The following TGFBI variants were observed in gnomAD, a reference collection of about 807,000 sequenced individuals.
TGFBI encodes the protein transforming growth factor beta induced, also known as transforming growth factor-beta-induced protein ig-h3.
A neutral mutation model predicts 73.7 loss-of-function variants in TGFBI; 50 were observed. The observed-to-expected ratio is 0.68, with a 90% confidence interval of 0.54 to 0.86. TGFBI has a LOEUF of 0.86. Ranked by LOEUF, TGFBI falls within the 40% of genes least tolerant of loss-of-function variation. The pLI is 0.00. For synonymous variants in TGFBI, 362 were observed against 360.5 expected, an observed-to-expected ratio of 1.00 and a Z score of -0.05; for missense variants, 839 against 877.0, an observed-to-expected ratio of 0.96 and a Z score of 0.55.
At position 136,055,828 on chromosome 5, in the gene TGFBI, C is replaced by G; in HGVS notation, c.1547+12C>G. 1 of 1,593,424 alleles carries G rather than the reference C, an allele frequency of 6.3e-7. No homozygotes were observed. Among genetic ancestry groups the G allele is most frequent in the South Asian group, 1.1e-5 (1 of 88,530 alleles). On this transcript the variant is annotated intron_variant, in intron 11 of 16. Transcript: ENST00000442011. Reference sequence around the variant, plus strand: ...GACAATCGCTTTAGGTAATTAGTTCCATCCCCGGGTGGAGCTTCTGCCCAG... The same window carrying G: ...GACAATCGCTTTAGGTAATTAGTTCGATCCCCGGGTGGAGCTTCTGCCCAG...
intron 12 of TGFBI, among the ~76,000 whole-genome samples, chr5:136,058,497 C>T (rs544712329): frequency 6.8e-4 from 103 of 152,282 alleles, no homozygotes; most frequent in African/African-American, 2.3e-3. Flanking sequence ...TGAGACGTGA[C>T]GAGGAGAGAT....
chr5:136,052,944 T>G lies in TGFBI; in HGVS notation c.951T>G (p.Cys317Trp), dbSNP rs748420018. 1 of 1,614,034 alleles carries G rather than the reference T, an allele frequency of 6.2e-7. No homozygotes were observed. Among genetic ancestry groups the G allele is most frequent in the Admixed American group, 1.7e-5 (1 of 60,034 alleles). Residue 317 changes from cysteine to tryptophan, a missense_variant, in exon 8 of 17, where the codon TGT (cysteine) becomes TGG (tryptophan). Physicochemically the swap from Cys to Trp is radical, Grantham distance 215. Transcript: ENST00000442011. ...ACCACATCTTGAAGTCAGCTATGTGTGCTGAAGCCATCGTTGCGGGGCTGT... is the reference window on the plus strand; with the variant it reads ...ACCACATCTTGAAGTCAGCTATGTGGGCTGAAGCCATCGTTGCGGGGCTGT... ...LNNHILKSAM[C>W]AEAIVAGLSV... is the part of the protein sequence containing the mutation.
chr5:136,062,614 G>C, intron 15 of TGFBI, 49 bp from the exon 16 acceptor site: 1 of 1,547,496 alleles, frequency 6.5e-7, no homozygotes, highest in South Asian at 1.2e-5. Context: ...ATAAGCAGTT[G>C]CAGGTATAAC....
intron 7 of TGFBI, among the ~76,000 whole-genome samples, chr5:136,052,296 T>A (rs1205764320): frequency 6.6e-6 from 1 of 152,274 alleles, no homozygotes; most frequent in African/African-American, 2.4e-5. Context: ...GTCTTACTGA[T>A]CACCAAACCT....
chr5:136,061,903 T>C (rs1751755801), intron 15 of TGFBI, among the ~76,000 whole-genome samples: 1 of 152,188 alleles, frequency 6.6e-6, no homozygotes, highest in Admixed American at 6.5e-5. Flanking sequence ...CCATCCCAAG[T>C]TCATCTTACA....
intron 2 of TGFBI, among the ~76,000 whole-genome samples, chr5:136,036,319 T>C (rs1268528759): frequency 2.0e-5 from 3 of 152,218 alleles, no homozygotes; most frequent in Non-Finnish European, 4.4e-5. Flanking sequence ...ATATGACATT[T>C]ACATTCAACT....
intron 16 of TGFBI, 99 bp from the exon 17 acceptor site, chr5:136,063,087 A>C: frequency 9.3e-7 from 1 of 1,080,464 alleles, no homozygotes; most frequent in Non-Finnish European, 1.4e-6. Context: ...GCATGGCAGA[A>C]GGAGGCTGCT....
chr5:136,032,355 T>A (rs891123680), intron 1 of TGFBI, among the ~76,000 whole-genome samples: 1 of 152,172 alleles, frequency 6.6e-6, no homozygotes, highest in Non-Finnish European at 1.5e-5. Flanking sequence ...GTGACAGTCA[T>A]ATCACCGCAG....
Position 136,063,508 on chromosome 5 carries a change from A to C in TGFBI, c.*282A>C. The C allele has an allele frequency of 2.4e-6, 1 of 419,938 alleles. No individual in the cohort carries two copies. Among genetic ancestry groups the C allele is most frequent in the Non-Finnish European group, 4.3e-6 (1 of 231,010 alleles). The allele number at this position is 419,938 out of a possible 1,614,324, so 26.0% of individuals were successfully genotyped here. On this transcript the variant is annotated 3_prime_UTR_variant, in exon 17 of 17. Transcript: ENST00000442011. ...CAGAGAGGACCTATCCCAAATGTGGAATTGACTGCCTATGCCAAGTCCCTG... is the reference window on the plus strand; with the variant it reads ...CAGAGAGGACCTATCCCAAATGTGGCATTGACTGCCTATGCCAAGTCCCTG...
In TGFBI at chr5:136,061,489, T is replaced by A; in HGVS notation, c.1907-11T>A. 1.9e-6 allele frequency: 3 copies of A among 1,593,100 alleles called. No individual in the cohort carries two copies. The highest frequency in any genetic ancestry group is 2.6e-6 in the Non-Finnish European group (3 of 1,168,824). ...CACTCTGGTCAAACCTGCCTTTTCT[T>A]TCCTCTTCAGCCAACAGACCTCAGG... On this transcript the variant is annotated splice_polypyrimidine_tract_variant and intron_variant, in intron 14 of 16. Transcript: ENST00000442011.
At chr5:136,049,710 C>A in intron 7 of TGFBI, 130 bp downstream of exon 7, 2 of 1,130,248 alleles carry the variant, frequency 1.8e-6, no homozygotes, top group Non-Finnish European at 2.5e-6. Context: ...CAGCCATGGG[C>A]TGGGGTCATC....
chr5:136,054,478 G>A (rs960605855), intron 9 of TGFBI, among the ~76,000 whole-genome samples: 1 of 152,216 alleles, frequency 6.6e-6, no homozygotes, highest in South Asian at 2.1e-4. Context: ...GCCAAGTTGT[G>A]TGCGTGCCTG....
chr5:136,046,607 C>A (rs1004630504), intron 4 of TGFBI, 112 bp downstream of exon 4: 18 of 1,375,768 alleles, frequency 1.3e-5, no homozygotes, highest in Non-Finnish European at 1.7e-5. Flanking sequence ...TTTCAGGAAG[C>A]TTTCTCCTTA....
Position 136,046,452 on chromosome 5 carries a change from C to A in TGFBI, c.416C>A (p.Thr139Asn). 1 of 1,612,570 alleles carries A rather than the reference C, an allele frequency of 6.2e-7. No homozygotes were observed. Among genetic ancestry groups the A allele is most frequent in the Non-Finnish European group, 8.5e-7 (1 of 1,178,844 alleles). The change falls in exon 4 of 17, where the codon ACC becomes AAC. Residue 139 changes from threonine to asparagine, a missense_variant. Transcript: ENST00000442011. ...RPEMEGPGSF[T>N]IFAPSNEAWA... ...GAGATGGAGGGGCCCGGCAGCTTCA[C>A]CATCTTCGCCCCTAGCAACGAGGCC...
At chr5:136,043,992 G>A in intron 2 of TGFBI, 66 bp from the exon 3 acceptor site, 1 of 1,394,510 alleles carries the variant, frequency 7.2e-7, no homozygotes, top group Non-Finnish European at 1.0e-6. Context: ...TAGTGGAGAG[G>A]GGCCAGATGA....
intron 7 of TGFBI, among the ~76,000 whole-genome samples, chr5:136,051,699 T>C (rs1389833606): frequency 6.6e-6 from 1 of 152,154 alleles, no homozygotes; most frequent in Non-Finnish European, 1.5e-5. Flanking sequence ...TGTGTCCAGT[T>C]TGAAGACTAG....
At chr5:136,038,735 A>G (rs1442296451) in intron 2 of TGFBI, among the ~76,000 whole-genome samples, 6 of 150,288 alleles carry the variant, frequency 4.0e-5, no homozygotes. Context: ...AAAAAAAAAG[A>G]GGGAGGCAGT....
rs140822389 is a variant in TGFBI at position 136,055,835 on chromosome 5, G to A, written c.1547+19G>A. On this transcript the variant is annotated intron_variant, in intron 11 of 16. Coordinates refer to ENST00000442011, the MANE Select transcript of TGFBI (RefSeq NM_000358.3). ...GCTTTAGGTAATTAGTTCCATCCCC[G>A]GGTGGAGCTTCTGCCCAGTGGTCAT... The A allele has an allele frequency of 1.1e-4, 169 of 1,586,544 alleles. No individual in the cohort carries two copies. The highest frequency in any genetic ancestry group is 6.7e-4 in the Middle Eastern group (4 of 5,986).
chr5:136,044,758 T>C (rs1021525819), intron 3 of TGFBI: 9 of 152,246 alleles, frequency 5.9e-5, no homozygotes, highest in African/African-American at 2.2e-4. Flanking sequence ...GGGGAGTTAG[T>C]ATTTTGTTTT....
Sources: gnomAD v4.1 joint callset for allele counts (sites outside exome capture counted in the v4.1 genomes callset) on GRCh38, gnomAD v4.1.1 for gene constraint, MANE v1.5 for transcripts, NCBI Gene and HGNC (gene_info 2026-07-23, HGNC 2026-07-21) for gene names.